Variants in HAUS7 observed in about 807,000 individuals in gnomAD.
The protein encoded by HAUS7 is HAUS augmin like complex subunit 7.
In HAUS7, 3 loss-of-function variants were observed where a neutral mutation model predicts 28.4. The ratio of observed to expected loss-of-function variants is 0.11; its 90% CI spans 0.05 to 0.27. The LOEUF is 0.27. HAUS7 is among the 10% of genes least tolerant of loss of function. HAUS7 has a pLI of 1.00. For synonymous variants in HAUS7, 165 were observed against 132.1 expected (o/e 1.25, Z -1.71); for missense variants, 284 against 297.3 (o/e 0.96, Z 0.33).
intron 9 of HAUS7, among the ~76,000 whole-genome samples, chrX:153,451,557 C>T (rs143627841): frequency 0.017 from 1,861 of 111,859 alleles, 31 homozygotes; most frequent in Non-Finnish European, 0.024. Context: ...CTGGAGGGTT[C>T]ATCCAAAGAC....
At chrX:153,487,224 G>A (rs1320122993) in intron 1 of HAUS7, 1 of 169,696 alleles carries the variant, frequency 5.9e-6, no homozygotes, top group Non-Finnish European at 1.1e-5. Flanking sequence ...GTCCTTGCTC[G>A]GTCCCAAGCC....
At chrX:153,473,222 G>C (rs1414718517), upstream of HAUS7, among the ~76,000 whole-genome samples, 2 of 112,750 alleles carry the variant, frequency 1.8e-5, no homozygotes, top group Non-Finnish European at 3.8e-5. Context: ...GGTGCAGCGG[G>C]AATCAACCAG....
upstream of HAUS7, chrX:153,470,676 C>A: frequency 9.7e-7 from 1 of 1,035,766 alleles, no homozygotes; most frequent in Non-Finnish European, 1.3e-6. Flanking sequence ...TCCCGACCGA[C>A]CCTTCCCATT....
chrX:153,469,321 T>C (rs2089491812), intron 1 of HAUS7, 60 bp from the exon 2 acceptor site: 2 of 505,520 alleles, frequency 4.0e-6, no homozygotes, highest in African/African-American at 2.4e-5. Context: ...CATTTCATTT[T>C]ATTTATTTAT....
At chrX:153,494,755 T>G (rs868914229) in intron 1 of HAUS7, among the ~76,000 whole-genome samples, 661 of 3,839 alleles carry the variant, frequency 0.17, no homozygotes, top group African/African-American at 0.23. Context: ...GGGGAGGTGG[T>G]GGGGGCGAGG....
At chrX:153,455,917 G>A (rs2124084795) in intron 7 of HAUS7, 151 bp from the exon 8 acceptor site, 1 of 445,706 alleles carries the variant, frequency 2.2e-6, no homozygotes. Context: ...ACTCAGGCCA[G>A]AGCAAGACCT....
intron 2 of HAUS7, among the ~76,000 whole-genome samples, chrX:153,465,613 C>T (rs1468080939): frequency 8.9e-6 from 1 of 112,908 alleles, no homozygotes; most frequent in Non-Finnish European, 1.9e-5. Flanking sequence ...ACGGTGAAGG[C>T]TTGCCCTTGA....
At chrX:153,474,841 C>A (rs2089552222), upstream of HAUS7, among the ~76,000 whole-genome samples, 2 of 110,592 alleles carry the variant, frequency 1.8e-5, no homozygotes, top group South Asian at 7.5e-4. Context: ...CGCAGCCGCG[C>A]AGGCGGCGGC....
Position 153,454,527 on chromosome X carries a change from AGGG to A in HAUS7, c.931-22_931-20del. 2.7e-5 allele frequency: 2 copies of A among 73,409 alleles called. No individual in the cohort carries two copies. The highest frequency in any genetic ancestry group is 1.1e-4 in the South Asian group (1 of 8,937). 6.0% of individuals were successfully genotyped at this position (73,409 alleles called of 1,213,427 possible). On this transcript the variant is annotated intron_variant, in intron 8 of 9. Coordinates refer to ENST00000370211, the MANE Select transcript of HAUS7 (RefSeq NM_001385482.1). Reference sequence around the variant, plus strand: ...GCAGCAGCTGGGGAGGGAGGGAGGGAGGGAGGGAGGGAGGGAGGGAGCGAGCAG... The same window carrying A: ...GCAGCAGCTGGGGAGGGAGGGAGGGAAGGGAGGGAGGGAGGGAGCGAGCAG...
intron 3 of HAUS7, among the ~76,000 whole-genome samples, chrX:153,464,705 G>C (rs1448148313): frequency 8.9e-6 from 1 of 112,398 alleles, no homozygotes; most frequent in African/African-American, 3.2e-5. Context: ...CACCTGTAGA[G>C]AGCGTGTCAC....
In HAUS7 at chrX:153,470,553, G is replaced by A. The variant is rs782121459; in HGVS notation, c.5C>T (p.Ala2Val). 8.3e-7 allele frequency: 1 copy of A among 1,203,960 alleles called. No homozygotes were observed. Among genetic ancestry groups the A allele is most frequent in the Middle Eastern group, 2.3e-4 (1 of 4,260 alleles). Residue 2 changes from alanine to valine, a missense_variant, in exon 1 of 10, where the codon GCG becomes GTG. Physicochemically the swap from Ala to Val is moderately conservative, Grantham distance 64 (BLOSUM62 0). Coordinates refer to ENST00000370211, the MANE Select transcript of HAUS7 (RefSeq NM_001385482.1). The part of the protein sequence containing the change: M[A>V]GQDAGCGRGG... ...ACGGCCGCAGCCAGCGTCCTGCCCC[G>A]CCATGTTTCGCGCTCCGAGCCGCGC...
intron 9 of HAUS7, among the ~76,000 whole-genome samples, chrX:153,450,508 G>A (rs187707307): frequency 9.3e-4 from 104 of 112,423 alleles, no homozygotes; most frequent in Admixed American, 1.7e-3. Flanking sequence ...CGCTGAGCCC[G>A]TCACCACTGC....
intron 1 of HAUS7, among the ~76,000 whole-genome samples, chrX:153,487,946 G>A (rs938120453): frequency 1.8e-5 from 2 of 113,005 alleles, no homozygotes; most frequent in East Asian, 2.8e-4. Flanking sequence ...AACCGGATGG[G>A]TTTCCTGGGA....
chrX:153,487,145 AGAGG>A (rs1556988746), intron 1 of HAUS7: 1 of 215,471 alleles, frequency 4.6e-6, no homozygotes, highest in Non-Finnish European at 8.5e-6. Context: ...AAAGAGATTC[AGAGG>A]GCTTGGGTCC....
rs2124149219 is a variant in HAUS7, at chrX:153,470,438, G to A, written c.108+12C>T. 1.7e-6 allele frequency: 2 copies of A among 1,207,166 alleles called. No homozygotes were observed. Among genetic ancestry groups the A allele is most frequent in the East Asian group, 3.0e-5 (1 of 33,681 alleles). ...TCCCCCGCCCTGGAGTGGCTTTCTGGGCCAACAGCACCTTCAGCTTCCCGA... is the reference window on the plus strand; with the variant it reads ...TCCCCCGCCCTGGAGTGGCTTTCTGAGCCAACAGCACCTTCAGCTTCCCGA... On this transcript the variant is annotated intron_variant, in intron 1 of 9. Transcript: ENST00000370211.
At chrX:153,490,970 G>A (rs1395732457) in intron 1 of HAUS7, among the ~76,000 whole-genome samples, 1 of 111,902 alleles carries the variant, frequency 8.9e-6, no homozygotes, top group Non-Finnish European at 1.9e-5. Context: ...CAGCTCTGTC[G>A]GCTCTCCCTC....
chrX:153,472,048 T>G (rs1340640629), upstream of HAUS7, among the ~76,000 whole-genome samples: 3 of 111,358 alleles, frequency 2.7e-5, no homozygotes, highest in African/African-American at 9.8e-5. Context: ...TTCTTGTGGG[T>G]TTTTCTGTGG....
chrX:153,448,847 G>A (rs984645173), intron 9 of HAUS7, among the ~76,000 whole-genome samples: 5 of 112,669 alleles, frequency 4.4e-5, no homozygotes, highest in Non-Finnish European at 9.4e-5. Flanking sequence ...TGTTGACCCG[G>A]CTGTGCCCCC....
rs781856068 is a variant in HAUS7 at position 153,482,859 on chromosome X, C to T, written c.-588-11714G>A. 1.4e-5 allele frequency: 7 copies of T among 485,042 alleles called. No homozygotes were observed. In the South Asian group the frequency reaches 3.2e-4, roughly 22 times the overall value. 40.0% of individuals were successfully genotyped at this position (485,042 alleles called of 1,213,427 possible). ...CTGCGGGCCATCCCACGCGGCCTGC[C>T]GTCCTCCCTGCAGTTGAGCTGGAGC... On this transcript the variant is annotated intron_variant, in intron 1 of 5. Coordinates refer to the HAUS7 transcript ENST00000370210.
Sources: gnomAD v4.1 joint callset for allele counts (sites outside exome capture counted in the v4.1 genomes callset) on GRCh38, gnomAD v4.1.1 for gene constraint, MANE v1.5 for transcripts, NCBI Gene and HGNC (gene_info 2026-07-23, HGNC 2026-07-21) for gene names.